CPPED1: variants seen among roughly 807,000 people sequenced by gnomAD.
CPPED1 encodes the protein calcineurin like phosphoesterase domain containing 1, also known as serine/threonine-protein phosphatase CPPED1.
A neutral mutation model predicts 28.0 loss-of-function variants in CPPED1; 28 were observed. That is an observed-to-expected ratio of 1.00 (90% CI 0.74 to 1.37). The LOEUF is 1.37. CPPED1 is among the 40% of genes most tolerant of loss of function. The probability of loss-of-function intolerance (pLI) is 0.00; values close to 1 mark genes in which losing one functional copy is unlikely to be tolerated. For synonymous variants in CPPED1, 198 were observed against 180.2 expected (o/e 1.10, Z -0.79); for missense variants, 504 against 416.5 (o/e 1.21, Z -1.83).
chr16:12,702,505 G>C (rs1477214584), intron 3 of CPPED1, among the ~76,000 whole-genome samples: 2 of 151,578 alleles, frequency 1.3e-5, no homozygotes, highest in African/African-American at 2.4e-5. Flanking sequence ...GCCACTGCAC[G>C]CCAGCCTGGG....
intron 3 of CPPED1, among the ~76,000 whole-genome samples, chr16:12,701,514 G>A (rs1419266708): frequency 6.6e-6 from 1 of 152,218 alleles, no homozygotes; most frequent in Non-Finnish European, 1.5e-5. Flanking sequence ...TACAGCCTGG[G>A]TGACAGAGTG....
chr16:12,792,429 T>C (rs760763193), intron 1 of CPPED1, among the ~76,000 whole-genome samples: 6 of 152,120 alleles, frequency 3.9e-5, no homozygotes, highest in African/African-American at 7.2e-5. Flanking sequence ...CATCTCATAA[T>C]GCACAGGACA....
chr16:12,790,466 A>T (rs1596486656), intron 1 of CPPED1, among the ~76,000 whole-genome samples: 1 of 152,176 alleles, frequency 6.6e-6, no homozygotes, highest in African/African-American at 2.4e-5. Context: ...TCATCACTCA[A>T]CTAGGAAAAG....
At chr16:12,687,127 C>G (rs944259555) in intron 3 of CPPED1, among the ~76,000 whole-genome samples, 1 of 152,164 alleles carries the variant, frequency 6.6e-6, no homozygotes, top group African/African-American at 2.4e-5. Context: ...TAATCATGCT[C>G]TTTACAGAAA....
At chr16:12,752,126 T>C (rs1354644082) in intron 2 of CPPED1, among the ~76,000 whole-genome samples, 1 of 152,222 alleles carries the variant, frequency 6.6e-6, no homozygotes, top group Non-Finnish European at 1.5e-5. Flanking sequence ...AGTTCTGGTT[T>C]ATAAACTTAA....
rs1491351220 is a variant in CPPED1, at chr16:12,744,296, GAA to G, written c.289+36887_289+36888del. On this transcript the variant is annotated intron_variant, in intron 2 of 3. Transcript: ENST00000381774. The stretch of plus-strand genomic sequence containing the variant: ...AGAGAGAGAGAGAGAGAGAGAGAGA[GAA>G]AGCAAGCAAGCAAGCAAGCAAGCAA... 5.9e-5 allele frequency among the ~76,000 whole-genome samples: 8 copies of G among 135,222 alleles called. No homozygotes were observed. In the East Asian group the frequency reaches 1.2e-3, roughly 21 times the overall value. 88.7% of individuals were successfully genotyped at this position (135,222 alleles called of 152,430 possible).
intron 2 of CPPED1, among the ~76,000 whole-genome samples, chr16:12,765,365 T>C (rs1020152798): frequency 6.6e-6 from 1 of 152,258 alleles, no homozygotes; most frequent in Non-Finnish European, 1.5e-5. Context: ...CTACAGCTGA[T>C]TATGCTGGCT....
chr16:12,681,662 C>A (rs536752315), intron 3 of CPPED1, among the ~76,000 whole-genome samples: 1 of 152,098 alleles, frequency 6.6e-6, no homozygotes, highest in Non-Finnish European at 1.5e-5. Context: ...TGTGCATTCT[C>A]GGCTTCATTA....
chr16:12,801,763 A>C (rs182858103), intron 1 of CPPED1, among the ~76,000 whole-genome samples: 2 of 152,296 alleles, frequency 1.3e-5, no homozygotes, highest in Admixed American at 6.5e-5. Flanking sequence ...AATTAGGATG[A>C]TTTTAAAAAG....
chr16:12,723,310 G>C (rs1015054391), intron 2 of CPPED1, among the ~76,000 whole-genome samples: 1 of 152,202 alleles, frequency 6.6e-6, no homozygotes, highest in African/African-American at 2.4e-5. Flanking sequence ...GGATATGCCT[G>C]TTCTGGATGA....
At chr16:12,792,883 A>G (rs999716548) in intron 1 of CPPED1, among the ~76,000 whole-genome samples, 1 of 151,924 alleles carries the variant, frequency 6.6e-6, no homozygotes, top group African/African-American at 2.4e-5. Flanking sequence ...TTTATAAATT[A>G]CCCAGTCTTG....
rs142145538 is a variant in CPPED1 at position 12,675,377 on chromosome 16, C to G, written c.716-10262G>C. On this transcript the variant is annotated intron_variant, in intron 3 of 3. Coordinates refer to ENST00000381774, the MANE Select transcript of CPPED1 (RefSeq NM_018340.3). The stretch of plus-strand genomic sequence containing the variant: ...GAAGAATTTCCAGCAAAGGCAGCCA[C>G]TGCATCAACAGAGGATGATTTCTGT... Among the ~76,000 whole-genome samples the G allele has an allele frequency of 1.3e-4, 20 of 152,326 alleles. 1 individual carries two copies. Among genetic ancestry groups the G allele is most frequent in the African/African-American group, 4.8e-4 (20 of 41,576 alleles).
At chr16:12,777,863 T>C (rs1596481491) in intron 2 of CPPED1, among the ~76,000 whole-genome samples, 3 of 149,236 alleles carry the variant, frequency 2.0e-5, no homozygotes, top group African/African-American at 7.7e-5. Flanking sequence ...ATATTATTAC[T>C]TTCATTAAAA....
chr16:12,785,871 GAAGT>G (rs2080559843), intron 1 of CPPED1, among the ~76,000 whole-genome samples: 1 of 151,438 alleles, frequency 6.6e-6, no homozygotes, highest in African/African-American at 2.4e-5. Context: ...TTGAGCCATG[GAAGT>G]ATGGATAAAC....
At chr16:12,684,030 C>T (rs188915659) in intron 3 of CPPED1, among the ~76,000 whole-genome samples, 2 of 152,286 alleles carry the variant, frequency 1.3e-5, no homozygotes, top group African/African-American at 2.4e-5. Flanking sequence ...TAAGGGCCAA[C>T]GAAAAGCCTT....
chr16:12,777,903 C>CT (rs67527035), intron 2 of CPPED1, among the ~76,000 whole-genome samples: 3,594 of 126,518 alleles, frequency 0.028, 86 homozygotes, highest in East Asian at 0.14. Flanking sequence ...TTTCTATTTT[C>CT]TTTTTTTTTT....
chr16:12,799,331 C>T (rs564558224), intron 1 of CPPED1, among the ~76,000 whole-genome samples: 52 of 151,712 alleles, frequency 3.4e-4, no homozygotes, highest in Admixed American at 6.6e-4. Context: ...CTGCAACCTC[C>T]GCCTCTCAGG....
intron 2 of CPPED1, among the ~76,000 whole-genome samples, chr16:12,769,543 G>C (rs1188794945): frequency 2.0e-5 from 3 of 152,158 alleles, no homozygotes; most frequent in African/African-American, 7.2e-5. Context: ...AACTTTTTAA[G>C]TAATATTCCC....
chr16:12,783,502 T>A (rs999550146), intron 1 of CPPED1, among the ~76,000 whole-genome samples: 106 of 149,278 alleles, frequency 7.1e-4, no homozygotes, highest in Non-Finnish European at 1.0e-4. Context: ...CAAAACTAAA[T>A]AAATAAATTA....
Sources: allele counts gnomAD v4.1 joint callset (sites outside exome capture counted in the v4.1 genomes callset), GRCh38; gene constraint gnomAD v4.1.1; transcripts MANE v1.5; gene names NCBI Gene and HGNC (gene_info 2026-07-23, HGNC 2026-07-21).